Variants in PRRX1 observed in about 807,000 individuals in gnomAD.
PRRX1 encodes the protein paired related homeobox 1.
PRRX1 carries 8 observed loss-of-function variants against 24.0 expected under a neutral mutation model. The observed-to-expected ratio is 0.33, with a 90% confidence interval of 0.20 to 0.60. PRRX1 has a LOEUF of 0.60. Ranked by LOEUF, PRRX1 falls within the 20% of genes least tolerant of loss-of-function variation. PRRX1 has a pLI of 0.82. For missense variants in PRRX1, 281 were observed against 322.4 expected, an observed-to-expected ratio of 0.87 and a Z score of 0.98; for synonymous variants, 160 against 131.7, an observed-to-expected ratio of 1.22 and a Z score of -1.47.
At chr1:170,679,675 A>G (rs1653443709) in intron 1 of PRRX1, among the ~76,000 whole-genome samples, 1 of 152,188 alleles carries the variant, frequency 6.6e-6, no homozygotes, top group South Asian at 2.1e-4. Context: ...CTGGGATTAC[A>G]GGCATTTTAT....
chr1:170,703,228 C>A (rs1654450033), intron 1 of PRRX1, among the ~76,000 whole-genome samples: 1 of 152,182 alleles, frequency 6.6e-6, no homozygotes, highest in African/African-American at 2.4e-5. Flanking sequence ...CCTCTGAATT[C>A]TTTCAGGATC....
At chr1:170,678,165 G>A (rs1217076536) in intron 1 of PRRX1, among the ~76,000 whole-genome samples, 2 of 152,198 alleles carry the variant, frequency 1.3e-5, no homozygotes, top group Non-Finnish European at 2.9e-5. Flanking sequence ...AACCAGTTGA[G>A]TAAGATACAC....
At chr1:170,729,431 A>G (rs1314658907) in intron 3 of PRRX1, among the ~76,000 whole-genome samples, 1 of 150,044 alleles carries the variant, frequency 6.7e-6, no homozygotes, top group Admixed American at 6.7e-5. Flanking sequence ...AAGAAAGGAG[A>G]AAACCAAGGC....
intron 1 of PRRX1, among the ~76,000 whole-genome samples, chr1:170,675,942 C>T (rs1653306604): frequency 6.6e-6 from 1 of 151,950 alleles, no homozygotes; most frequent in Admixed American, 6.6e-5. Context: ...ACCACACTTG[C>T]CTAATAAAAG....
chr1:170,702,387 C>T (rs1571333120), intron 1 of PRRX1, among the ~76,000 whole-genome samples: 1 of 152,246 alleles, frequency 6.6e-6, no homozygotes, highest in East Asian at 1.9e-4. Flanking sequence ...CTCCCCTCCC[C>T]TCACCCTTTC....
At chr1:170,670,448 G>C (rs1653107543) in intron 1 of PRRX1, among the ~76,000 whole-genome samples, 1 of 152,132 alleles carries the variant, frequency 6.6e-6, no homozygotes, top group Non-Finnish European at 1.5e-5. Context: ...TAAGTTAGGA[G>C]ATACATTGCA....
intron 1 of PRRX1, among the ~76,000 whole-genome samples, chr1:170,675,227 T>G (rs941098030): frequency 2.6e-4 from 40 of 152,172 alleles, no homozygotes; most frequent in African/African-American, 9.2e-4. Flanking sequence ...CTTTTCTGCT[T>G]GTTCTAGCTG....
Position 170,737,991 on chromosome 1 carries a change from A to C in PRRX1, c.*1805A>C, listed in dbSNP as rs1655678367. The C allele has an allele frequency of 4.6e-6, 1 of 218,654 alleles. No individual in the cohort carries two copies. Among genetic ancestry groups the C allele is most frequent in the Non-Finnish European group, 9.2e-6 (1 of 108,636 alleles). The allele number at this position is 218,654 out of a possible 1,614,324, so 13.5% of individuals were successfully genotyped here. A position where few individuals can be genotyped will look rare whatever the true frequency, so the allele number is the denominator to read the frequency against. On this transcript the variant is annotated 3_prime_UTR_variant, in exon 4 of 4. Transcript: ENST00000239461. ...GTAAGAAAATGCTACCTTGCTGTAC[A>C]TACTTATAACCTTGTATTTGGAAAT...
intron 3 of PRRX1, chr1:170,727,804 T>C (rs914893245): frequency 1.3e-5 from 2 of 152,202 alleles, no homozygotes; most frequent in South Asian, 2.1e-4. Flanking sequence ...CTTACTGATC[T>C]TGAAACATTA....
chr1:170,717,926 AT>A (rs1246569273), intron 1 of PRRX1, among the ~76,000 whole-genome samples: 1 of 152,162 alleles, frequency 6.6e-6, no homozygotes, highest in African/African-American at 2.4e-5. Flanking sequence ...AAAAATTATT[AT>A]TAAATTTGCT....
At chr1:170,733,089 C>T (rs1410307775) in intron 3 of PRRX1, among the ~76,000 whole-genome samples, 2 of 152,158 alleles carry the variant, frequency 1.3e-5, no homozygotes, top group Non-Finnish European at 2.9e-5. Flanking sequence ...ACATTCATCT[C>T]ATTTGGGATA....
intron 1 of PRRX1, among the ~76,000 whole-genome samples, chr1:170,690,918 G>A (rs1265524222): frequency 6.6e-6 from 1 of 152,112 alleles, no homozygotes; most frequent in East Asian, 1.9e-4. Flanking sequence ...GGAAATGCAT[G>A]AACTGGTCAG....
chr1:170,685,981 G>A (rs918947976), intron 1 of PRRX1, among the ~76,000 whole-genome samples: 2 of 151,904 alleles, frequency 1.3e-5, no homozygotes, highest in Non-Finnish European at 2.9e-5. Context: ...ATTCCCACAA[G>A]AGACTGAACT....
At chr1:170,735,965 A>G (rs1655587383) in intron 3 of PRRX1, 83 bp from the exon 4 acceptor site, 1 of 1,568,526 alleles carries the variant, frequency 6.4e-7, no homozygotes, top group Non-Finnish European at 8.8e-7. Context: ...CCATGCTGAG[A>G]GTACATCCAT....
intron 2 of PRRX1, among the ~76,000 whole-genome samples, chr1:170,723,412 T>G (rs894147704): frequency 1.3e-5 from 2 of 152,088 alleles, no homozygotes; most frequent in African/African-American, 4.8e-5. Flanking sequence ...AATTTACATG[T>G]CTTCATTTAA....
At chr1:170,733,507 T>G (rs2101927500) in intron 3 of PRRX1, among the ~76,000 whole-genome samples, 1 of 152,218 alleles carries the variant, frequency 6.6e-6, no homozygotes, top group South Asian at 2.1e-4. Context: ...TGAGAAAATT[T>G]TTCTTTATAC....
intron 1 of PRRX1, among the ~76,000 whole-genome samples, chr1:170,716,821 A>C (rs1261298477): frequency 6.6e-6 from 1 of 152,234 alleles, no homozygotes; most frequent in African/African-American, 2.4e-5. Context: ...AACCAGAGCC[A>C]AGAATCTGAT....
At chr1:170,714,283 G>T (rs886943096) in intron 1 of PRRX1, among the ~76,000 whole-genome samples, 2 of 152,128 alleles carry the variant, frequency 1.3e-5, no homozygotes, top group African/African-American at 4.8e-5. Context: ...AGGTTACGGG[G>T]CCTGAACCAC....
upstream of PRRX1, chr1:170,662,786 G>A (rs1025005414): frequency 5.3e-5 from 8 of 150,724 alleles, no homozygotes; most frequent in African/African-American, 1.7e-4. Flanking sequence ...AAGAAAATTT[G>A]ATTGTGATGG....
Sources: allele counts gnomAD v4.1 joint callset (sites outside exome capture counted in the v4.1 genomes callset), GRCh38; gene constraint gnomAD v4.1.1; transcripts MANE v1.5; gene names NCBI Gene and HGNC (gene_info 2026-07-23, HGNC 2026-07-21).